The following PIGM variants were observed in gnomAD, a reference collection of about 807,000 sequenced individuals.
PIGM encodes phosphatidylinositol glycan anchor biosynthesis class M, also known as GPI alpha-1,4-mannosyltransferase I, catalytic subunit.
In PIGM, 7 loss-of-function variants were observed where a neutral mutation model predicts 14.6. That is an observed-to-expected ratio of 0.48 (90% CI 0.27 to 0.90). The LOEUF is 0.90. Among genes scored for constraint, PIGM ranks in the 40% least tolerant of loss-of-function variants. PIGM has a pLI of 0.12. For synonymous variants in PIGM, 216 were observed against 215.9 expected, an observed-to-expected ratio of 1.00 and a Z score of 0.00; for missense variants, 506 against 516.2, an observed-to-expected ratio of 0.98 and a Z score of 0.19.
chr1:160,030,803 G>A lies in PIGM; in HGVS notation c.937C>T (p.Leu313Phe), dbSNP rs941001091. ...GTATGAAGAAAACAACAAAAAACGA[G>A]GTCTCTGTAATAGGCGAAAGACACA... ...SAVSFAYYRD[L>F]VFCCFLHTSI... Residue 313 changes from leucine to phenylalanine, a missense_variant, in exon 1 of 1, where the codon CTC (leucine) becomes TTC (phenylalanine). Physicochemically the swap from Leu to Phe is conservative, Grantham distance 22. Transcript: ENST00000368090. 5 of 1,614,116 alleles carry A rather than the reference G, an allele frequency of 3.1e-6. No individual in the cohort carries two copies. In the South Asian group the frequency reaches 3.3e-5, roughly 11 times the overall value.
Position 160,031,556 on chromosome 1 carries a change from C to G in PIGM, c.184G>C (p.Val62Leu), listed in dbSNP as rs1482422107. 6.2e-7 allele frequency: 1 copy of G among 1,614,148 alleles called. No homozygotes were observed. Among genetic ancestry groups the G allele is most frequent in the Non-Finnish European group, 8.5e-7 (1 of 1,180,034 alleles). The change falls in exon 1 of 1, where the codon GTC becomes CTC. Residue 62 changes from valine (V) to leucine (L), a missense_variant. By Grantham distance (32) the Val-to-Leu change is conservative. Coordinates refer to ENST00000368090, the MANE Select transcript of PIGM (RefSeq NM_145167.3). The stretch of plus-strand genomic sequence containing the variant: ...AGGTAAGGCGAGCGCCCCTCCGTGA[C>G]GAAGCGCGCGGCGTCGGTGAAGACC... ...YQVFTDAARF[V>L]TEGRSPYLRA... is the part of the protein sequence containing the mutation.
chr1:160,027,768 A>C lies in PIGM; in HGVS notation c.*2700T>G, dbSNP rs1648218736. 6.6e-6 allele frequency: 1 copy of C among 152,186 alleles called. No homozygotes were observed. The highest frequency in any genetic ancestry group is 1.5e-5 in the Non-Finnish European group (1 of 68,032). The allele number at this position is 152,186 out of a possible 1,614,324, so 9.4% of individuals were successfully genotyped here. A position where few individuals can be genotyped will look rare whatever the true frequency, so the allele number is the denominator to read the frequency against. On this transcript the variant is annotated 3_prime_UTR_variant, in exon 1 of 1. Coordinates refer to ENST00000368090, the MANE Select transcript of PIGM (RefSeq NM_145167.3). ...AAACATTTTTTTTACATAACCAGAA[A>C]ACAAATTAAAAAATTAAAATCCCCC...
rs1378541213 is a variant in PIGM at position 160,027,749 on chromosome 1, T to C, written c.*2719A>G. 6.6e-6 allele frequency: 1 copy of C among 151,920 alleles called. No homozygotes were observed. The highest frequency in any genetic ancestry group is 2.4e-5 in the African/African-American group (1 of 41,346). 9.4% of individuals were successfully genotyped at this position (151,920 alleles called of 1,614,324 possible). On this transcript the variant is annotated 3_prime_UTR_variant, in exon 1 of 1. Transcript: ENST00000368090. ...GTGATAAGAAGCAAAAAAAAAACAT[T>C]TTTTTTACATAACCAGAAAACAAAT...
At position 160,031,083 on chromosome 1, in the gene PIGM, C is replaced by A; in HGVS notation, c.657G>T (p.Leu219=). 6.2e-7 allele frequency: 1 copy of A among 1,614,172 alleles called. No homozygotes were observed. Among genetic ancestry groups the A allele is most frequent in the South Asian group, 1.1e-5 (1 of 91,076 alleles). ...YTFQACLYEL[L]KRLCNRAVLL... is the part of the protein sequence containing the mutation. ...GCACAGCCCGATTACACAGCCTTTT[C>A]AGGAGCTCGTACAAACAAGCCTGGA... The change falls in exon 1 of 1, where the codon CTG becomes CTT. Residue 219 remains leucine (L), a synonymous_variant. Coordinates refer to ENST00000368090, the MANE Select transcript of PIGM (RefSeq NM_145167.3).
chr1:160,031,428 G>C lies in PIGM; in HGVS notation c.312C>G (p.Leu104=). The C allele has an allele frequency of 6.2e-7, 1 of 1,610,974 alleles. No homozygotes were observed. Among genetic ancestry groups the C allele is most frequent in the Non-Finnish European group, 8.5e-7 (1 of 1,177,270 alleles). ...FGKFLFISCD[L]LTAFLLYRLL... is the part of the protein sequence containing the mutation. ...GGCGGTATAAGAGGAAAGCGGTGAG[G>C]AGGTCGCAGCTGATGAAGAGAAACT... Residue 104 remains leucine (L), a synonymous_variant, in exon 1 of 1, where the codon CTC becomes CTG. Transcript: ENST00000368090.
rs369488962 is a variant in PIGM, at chr1:160,031,516, C to T, written c.224G>A (p.Arg75His). Reference protein sequence around the residue: ...GRSPYLRATYRYTPLLGWLLT... With the variant: ...GRSPYLRATYHYTPLLGWLLT... Reference sequence around the variant, plus strand: ...GAGCCAACCCAGCAGCGGGGTGTAACGGTACGTGGCTCTCAGGTAAGGCGA... The same window carrying T: ...GAGCCAACCCAGCAGCGGGGTGTAATGGTACGTGGCTCTCAGGTAAGGCGA... The change falls in exon 1 of 1, where the codon CGT (arginine) becomes CAT (histidine). Residue 75 changes from arginine to histidine, a missense_variant. Transcript: ENST00000368090. The T allele has an allele frequency of 2.7e-5, 44 of 1,614,070 alleles. No individual in the cohort carries two copies. Among genetic ancestry groups the T allele is most frequent in the Non-Finnish European group, 2.5e-6 (3 of 1,180,046 alleles).
In PIGM at chr1:160,030,246, C is replaced by A; in HGVS notation, c.*222G>T. The A allele has an allele frequency of 2.0e-6, 1 of 503,984 alleles. No homozygotes were observed. Among genetic ancestry groups the A allele is most frequent in the South Asian group, 2.1e-5 (1 of 47,590 alleles). The allele number at this position is 503,984 out of a possible 1,614,324, so 31.2% of individuals were successfully genotyped here. ...TTTTCCAATATGTGACCTTTATTCCCACCATGTCCCAAATAAACGAGTCCT... is the reference window on the plus strand; with the variant it reads ...TTTTCCAATATGTGACCTTTATTCCAACCATGTCCCAAATAAACGAGTCCT... On this transcript the variant is annotated 3_prime_UTR_variant, in exon 1 of 1. Coordinates refer to ENST00000368090, the MANE Select transcript of PIGM (RefSeq NM_145167.3).
In PIGM at chr1:160,030,801, G is replaced by A. The variant is rs758598643; in HGVS notation, c.939C>T (p.Leu313=). The change falls in exon 1 of 1, where the codon CTC becomes CTT. Residue 313 remains leucine, a synonymous_variant. Transcript: ENST00000368090. ...SAVSFAYYRD[L]VFCCFLHTSI... ...ACGTATGAAGAAAACAACAAAAAAC[G>A]AGGTCTCTGTAATAGGCGAAAGACA... 3.7e-6 allele frequency: 6 copies of A among 1,614,128 alleles called. No homozygotes were observed. Among genetic ancestry groups the A allele is most frequent in the East Asian group, 2.2e-5 (1 of 44,886 alleles).
chr1:160,029,287 T>A lies in PIGM; in HGVS notation c.*1181A>T, dbSNP rs930152756. 3 of 152,180 alleles carry A rather than the reference T, an allele frequency of 2.0e-5. No homozygotes were observed. The highest frequency in any genetic ancestry group is 4.4e-5 in the Non-Finnish European group (3 of 68,030). 9.4% of individuals were successfully genotyped at this position (152,180 alleles called of 1,614,324 possible). A position where few individuals can be genotyped will look rare whatever the true frequency, so the allele number is the denominator to read the frequency against. ...TGAATGAATTTAAATTTAATCCTTT[T>A]TGTATGAAACCAAATAGCAGTCTAA... is the stretch of plus-strand genomic sequence containing the variant. On this transcript the variant is annotated 3_prime_UTR_variant, in exon 1 of 1. Coordinates refer to ENST00000368090, the MANE Select transcript of PIGM (RefSeq NM_145167.3).
chr1:160,025,213 G>A lies in PIGM; in HGVS notation c.*5255C>T, dbSNP rs1648157742. On this transcript the variant is annotated 3_prime_UTR_variant, in exon 1 of 1. Transcript: ENST00000368090. ...ACTTAATCCTTACCAACAATTCTAT[G>A]AAGATTGTGCTATCATTCCCATTTC... The A allele has an allele frequency of 6.6e-6, 1 of 152,210 alleles. No individual in the cohort carries two copies. Among genetic ancestry groups the A allele is most frequent in the African/African-American group, 2.4e-5 (1 of 41,450 alleles). The allele number at this position is 152,210 out of a possible 1,614,324, so 9.4% of individuals were successfully genotyped here.
Position 160,031,206 on chromosome 1 carries a change from A to G in PIGM, c.534T>C (p.His178=). 1 of 1,614,176 alleles carries G rather than the reference A, an allele frequency of 6.2e-7. No individual in the cohort carries two copies. The change falls in exon 1 of 1, where the codon CAT becomes CAC. Residue 178 remains histidine (H), a synonymous_variant. Coordinates refer to ENST00000368090, the MANE Select transcript of PIGM (RefSeq NM_145167.3). ...TGTAAGTCACTGGATATATCTTCAT[A>G]TGCACCGCGAAACCATAGAATACAG... The part of the protein sequence containing the change: ...CAAVFYGFAV[H]MKIYPVTYIL...
chr1:160,026,183 C>T lies in PIGM; in HGVS notation c.*4285G>A, dbSNP rs921705084. The T allele has an allele frequency of 1.3e-5, 2 of 152,260 alleles. No individual in the cohort carries two copies. The highest frequency in any genetic ancestry group is 6.5e-5 in the Admixed American group (1 of 15,298). 9.4% of individuals were successfully genotyped at this position (152,260 alleles called of 1,614,324 possible). ...GGAAGGTAAACCCCTTTAGTTCTCA[C>T]TTTGTTTTTAAGACTAGGAAAAGAT... On this transcript the variant is annotated 3_prime_UTR_variant, in exon 1 of 1. Transcript: ENST00000368090.
In PIGM at chr1:160,031,498, C is replaced by G. The variant is rs1207146024; in HGVS notation, c.242G>C (p.Gly81Ala). ...RATYRYTPLL[G>A]WLLTPNIYLS... The stretch of plus-strand genomic sequence containing the variant: ...GTAGATGTTGGGAGTGAGGAGCCAA[C>G]CCAGCAGCGGGGTGTAACGGTACGT... The change falls in exon 1 of 1, where the codon GGT (glycine) becomes GCT (alanine). Residue 81 changes from glycine (G) to alanine (A), a missense_variant. Physicochemically the swap from Gly to Ala is moderately conservative, Grantham distance 60. Transcript: ENST00000368090. 2 of 1,614,186 alleles carry G rather than the reference C, an allele frequency of 1.2e-6. No individual in the cohort carries two copies. Among genetic ancestry groups the G allele is most frequent in the East Asian group, 4.5e-5 (2 of 44,876 alleles).
rs951890107 is a variant in PIGM, at chr1:160,027,679, A to G, written c.*2789T>C. ...TAGGAAATAAGCCAAAGTCTTATAA[A>G]ATTTGAAGGTGTTATTAAAGGATTA... is the stretch of plus-strand genomic sequence containing the variant. On this transcript the variant is annotated 3_prime_UTR_variant, in exon 1 of 1. Coordinates refer to ENST00000368090, the MANE Select transcript of PIGM (RefSeq NM_145167.3). 3.3e-5 allele frequency: 5 copies of G among 152,176 alleles called. No individual in the cohort carries two copies. Among genetic ancestry groups the G allele is most frequent in the Non-Finnish European group, 7.3e-5 (5 of 68,030 alleles). 9.4% of individuals were successfully genotyped at this position (152,176 alleles called of 1,614,324 possible).
chr1:160,028,951 T>C lies in PIGM; in HGVS notation c.*1517A>G, dbSNP rs941391813. The stretch of plus-strand genomic sequence containing the variant: ...AAAACCCATGGCTCTCTGGGATGCT[T>C]CTTATGCTTTTCAGGAGTTTCCCTC... On this transcript the variant is annotated 3_prime_UTR_variant, in exon 1 of 1. Coordinates refer to ENST00000368090, the MANE Select transcript of PIGM (RefSeq NM_145167.3). The C allele has an allele frequency of 3.9e-5, 6 of 152,194 alleles. No individual in the cohort carries two copies. The highest frequency in any genetic ancestry group is 1.4e-4 in the African/African-American group (6 of 41,460). The allele number at this position is 152,194 out of a possible 1,614,324, so 9.4% of individuals were successfully genotyped here. A position where few individuals can be genotyped will look rare whatever the true frequency, so the allele number is the denominator to read the frequency against.
rs1254342593 is a variant in PIGM, at chr1:160,031,054, A to T, written c.686T>A (p.Leu229Gln). The change falls in exon 1 of 1, where the codon CTG (leucine) becomes CAG (glutamine). Residue 229 changes from leucine to glutamine, a missense_variant. Coordinates refer to ENST00000368090, the MANE Select transcript of PIGM (RefSeq NM_145167.3). ...LKRLCNRAVL[L>Q]FVAVAGLTFF... The stretch of plus-strand genomic sequence containing the variant: ...CGTGAGTCCAGCAACTGCTACAAAC[A>T]GCAGCACAGCCCGATTACACAGCCT... The T allele has an allele frequency of 5.0e-6, 8 of 1,614,126 alleles. No homozygotes were observed. In the African/African-American group the frequency reaches 1.1e-4, roughly 22 times the overall value.
chr1:160,031,964 T>G lies in PIGM; in HGVS notation c.-225A>C, dbSNP rs959747115. The G allele has an allele frequency of 3.2e-6, 2 of 633,546 alleles. No homozygotes were observed. Among genetic ancestry groups the G allele is most frequent in the Non-Finnish European group, 5.8e-6 (2 of 342,858 alleles). 39.2% of individuals were successfully genotyped at this position (633,546 alleles called of 1,614,324 possible). Reference sequence around the variant, plus strand: ...CAGCCGCCCGAGCCAAAAACTTGCCTTCCTCTGGATGGACGGTCTCGCTTC... The same window carrying G: ...CAGCCGCCCGAGCCAAAAACTTGCCGTCCTCTGGATGGACGGTCTCGCTTC... On this transcript the variant is annotated 5_prime_UTR_variant, in exon 1 of 1. Transcript: ENST00000368090.
chr1:160,024,960 C>T lies in PIGM; in HGVS notation c.*5508G>A, dbSNP rs1648152526. ...GAATAATCTGTCCATACATTTTTCA[C>T]ATATCAGTATTTATTATCTTTTCAA... is the stretch of plus-strand genomic sequence containing the variant. On this transcript the variant is annotated 3_prime_UTR_variant, in exon 1 of 1. Transcript: ENST00000368090. 1.3e-5 allele frequency: 2 copies of T among 152,198 alleles called. No individual in the cohort carries two copies. The highest frequency in any genetic ancestry group is 2.9e-5 in the Non-Finnish European group (2 of 68,036). 9.4% of individuals were successfully genotyped at this position (152,198 alleles called of 1,614,324 possible).
rs140406558 is a variant in PIGM at position 160,031,524 on chromosome 1, G to T, written c.216C>A (p.Ala72=). 47 of 1,614,098 alleles carry T rather than the reference G, an allele frequency of 2.9e-5. No homozygotes were observed. In the African/African-American group the frequency reaches 4.5e-4, roughly 16 times the overall value. The stretch of plus-strand genomic sequence containing the variant: ...CCAGCAGCGGGGTGTAACGGTACGT[G>T]GCTCTCAGGTAAGGCGAGCGCCCCT... ...VTEGRSPYLR[A]TYRYTPLLGW... The change falls in exon 1 of 1, where the codon GCC becomes GCA. Residue 72 remains alanine, a synonymous_variant. Transcript: ENST00000368090.
Sources: gnomAD v4.1 joint callset for allele counts on GRCh38, gnomAD v4.1.1 for gene constraint, MANE v1.5 for transcripts, NCBI Gene and HGNC (gene_info 2026-07-23, HGNC 2026-07-21) for gene names.